Variants in ARHGAP6 observed in about 807,000 individuals in gnomAD.
The protein encoded by ARHGAP6 is Rho GTPase activating protein 6, also known as rho GTPase-activating protein 6.
A neutral mutation model predicts 55.7 loss-of-function variants in ARHGAP6; 16 were observed. The observed-to-expected ratio is 0.29, with a 90% confidence interval of 0.19 to 0.44. The LOEUF (loss-of-function observed/expected upper bound fraction) is 0.44. Ranked by LOEUF, ARHGAP6 falls within the 20% of genes least tolerant of loss-of-function variation. The pLI, the probability that ARHGAP6 is intolerant of heterozygous loss-of-function variation, is 1.00. For synonymous variants in ARHGAP6, 382 were observed against 360.9 expected (o/e 1.06, Z -0.66); for missense variants, 698 against 808.9 (o/e 0.86, Z 1.66).
intron 1 of ARHGAP6, among the ~76,000 whole-genome samples, chrX:11,624,449 T>C (rs1457818484): frequency 8.9e-6 from 1 of 112,962 alleles, no homozygotes; most frequent in Non-Finnish European, 1.9e-5. Flanking sequence ...ACATACAGAA[T>C]GGGAGGAAAT....
intron 1 of ARHGAP6, among the ~76,000 whole-genome samples, chrX:11,646,581 G>A (rs2052530341): frequency 8.9e-6 from 1 of 112,005 alleles, no homozygotes; most frequent in Admixed American, 9.5e-5. Flanking sequence ...CCTTTGTTGG[G>A]GGAAAGGGTT....
At chrX:11,388,405 GT>G (rs796195887) in intron 1 of ARHGAP6, among the ~76,000 whole-genome samples, 17 of 111,689 alleles carry the variant, frequency 1.5e-4, no homozygotes, top group African/African-American at 5.5e-4. Context: ...GGGGTTGTTT[GT>G]TTTTTTCTTG....
intron 1 of ARHGAP6, among the ~76,000 whole-genome samples, chrX:11,575,610 G>A (rs2051586993): frequency 8.9e-6 from 1 of 111,873 alleles, no homozygotes; most frequent in Non-Finnish European, 1.9e-5. Flanking sequence ...TGCCTTCAAA[G>A]CCAGCACCTT....
At chrX:11,458,647 T>C in intron 1 of ARHGAP6, among the ~76,000 whole-genome samples, 1 of 111,965 alleles carries the variant, frequency 8.9e-6, no homozygotes, top group Non-Finnish European at 1.9e-5. Flanking sequence ...AAGAGTTATA[T>C]GTGATAATAT....
intron 1 of ARHGAP6, among the ~76,000 whole-genome samples, chrX:11,366,803 C>T (rs376471931): frequency 8.9e-6 from 1 of 111,868 alleles, no homozygotes; most frequent in South Asian, 3.7e-4. Context: ...ATATCTCCTA[C>T]CTGAAATAAC....
At chrX:11,611,452 C>T (rs1328823265) in intron 1 of ARHGAP6, among the ~76,000 whole-genome samples, 3 of 111,733 alleles carry the variant, frequency 2.7e-5, no homozygotes, top group Non-Finnish European at 5.6e-5. Flanking sequence ...ATTCTTTCCC[C>T]TTGACTTAGT....
chrX:11,411,585 T>C (rs891321098), intron 1 of ARHGAP6, among the ~76,000 whole-genome samples: 4 of 110,298 alleles, frequency 3.6e-5, no homozygotes, highest in Admixed American at 9.8e-5. Flanking sequence ...ATGTCTTAAC[T>C]ACAAATGGGT....
chrX:11,171,128 G>C (rs1413096977), intron 8 of ARHGAP6, among the ~76,000 whole-genome samples: 2 of 111,042 alleles, frequency 1.8e-5, no homozygotes, highest in African/African-American at 3.3e-5. Flanking sequence ...GGGGAGTACG[G>C]GGTGAAGGAA....
At chrX:11,404,289 G>A (rs12008930) in intron 1 of ARHGAP6, among the ~76,000 whole-genome samples, 47 of 110,978 alleles carry the variant, frequency 4.2e-4, no homozygotes, top group African/African-American at 1.5e-3. Flanking sequence ...GCCCAGGATC[G>A]AGGTCATCCT....
In ARHGAP6 at chrX:11,137,754, T is replaced by C. The variant is rs1315905068; in HGVS notation, c.*1109A>G. 4 of 112,583 alleles carry C rather than the reference T, an allele frequency of 3.6e-5. No homozygotes were observed. Among genetic ancestry groups the C allele is most frequent in the African/African-American group, 6.5e-5 (2 of 30,865 alleles). The allele number at this position is 112,583 out of a possible 1,213,427, so 9.3% of individuals were successfully genotyped here. A position where few individuals can be genotyped will look rare whatever the true frequency, so the allele number is the denominator to read the frequency against. Reference sequence around the variant, plus strand: ...CTGCTGGTCAAAAATAGTTATGCACTTGAAAAACTTCAAACTACTAAAGTA... The same window carrying C: ...CTGCTGGTCAAAAATAGTTATGCACCTGAAAAACTTCAAACTACTAAAGTA... On this transcript the variant is annotated 3_prime_UTR_variant, in exon 13 of 13. Coordinates refer to ENST00000337414, the MANE Select transcript of ARHGAP6 (RefSeq NM_013427.3).
intron 10 of ARHGAP6, among the ~76,000 whole-genome samples, chrX:11,151,989 C>G (rs934858006): frequency 1.8e-5 from 2 of 112,125 alleles, no homozygotes; most frequent in Admixed American, 9.4e-5. Flanking sequence ...CTCATGAAAA[C>G]CAAAGTAGAA....
intron 1 of ARHGAP6, among the ~76,000 whole-genome samples, chrX:11,305,900 G>C (rs145760382): frequency 1.4e-3 from 155 of 112,147 alleles, no homozygotes; most frequent in Non-Finnish European, 2.1e-3. Context: ...ATTGTAAGGA[G>C]AGAAGATGAT....
intron 1 of ARHGAP6, among the ~76,000 whole-genome samples, chrX:11,463,482 G>A (rs2050264580): frequency 9.0e-6 from 1 of 111,088 alleles, no homozygotes; most frequent in African/African-American, 3.3e-5. Context: ...GGGACTACAG[G>A]CACTAACCAC....
intron 1 of ARHGAP6, among the ~76,000 whole-genome samples, chrX:11,432,738 G>A (rs752753799): frequency 6.9e-4 from 77 of 111,567 alleles, no homozygotes; most frequent in Non-Finnish European, 1.2e-3. Context: ...CTGAAATCAT[G>A]TGTCTCCTGT....
At chrX:11,220,667 G>A (rs1239042982) in intron 2 of ARHGAP6, among the ~76,000 whole-genome samples, 17 of 109,972 alleles carry the variant, frequency 1.5e-4, no homozygotes, top group Non-Finnish European at 2.3e-4. Flanking sequence ...GGTACCAGCC[G>A]CTGCAAAATC....
chrX:11,160,342 A>G (rs2045926513), intron 9 of ARHGAP6, among the ~76,000 whole-genome samples: 1 of 108,612 alleles, frequency 9.2e-6, no homozygotes, highest in African/African-American at 3.4e-5. Context: ...CTGTAGTCCC[A>G]GCTACTTGGG....
chrX:11,664,958 G>A lies in ARHGAP6; in HGVS notation c.-130C>T. The A allele has an allele frequency of 1.6e-6, 1 of 636,036 alleles. No individual in the cohort carries two copies. The highest frequency in any genetic ancestry group is 2.3e-6 in the Non-Finnish European group (1 of 438,473). 52.4% of individuals were successfully genotyped at this position (636,036 alleles called of 1,213,427 possible). A position where few individuals can be genotyped will look rare whatever the true frequency, so the allele number is the denominator to read the frequency against. ...TGGCCCGGGGTTTGCCCAGGGCAGT[G>A]GAGAGCAAAGCCCAGCTCACGCGCC... On this transcript the variant is annotated 5_prime_UTR_variant, in exon 1 of 13. Coordinates refer to ENST00000337414, the MANE Select transcript of ARHGAP6 (RefSeq NM_013427.3).
intron 1 of ARHGAP6, among the ~76,000 whole-genome samples, chrX:11,449,530 A>G (rs2050124205): frequency 1.8e-5 from 2 of 111,269 alleles, no homozygotes; most frequent in African/African-American, 6.6e-5. Context: ...CCTCCTCTAC[A>G]CCCACAGGCC....
intron 1 of ARHGAP6, among the ~76,000 whole-genome samples, chrX:11,577,426 A>G (rs1367699763): frequency 8.9e-6 from 1 of 111,790 alleles, no homozygotes; most frequent in Non-Finnish European, 1.9e-5. Flanking sequence ...AGAATTACCC[A>G]CCTACTCTTC....
Sources: allele counts gnomAD v4.1 joint callset (sites outside exome capture counted in the v4.1 genomes callset), GRCh38; gene constraint gnomAD v4.1.1; transcripts MANE v1.5; gene names NCBI Gene and HGNC (gene_info 2026-07-23, HGNC 2026-07-21).